Variants in PAIP2 observed in about 807,000 individuals in gnomAD.
The protein encoded by PAIP2 is polyadenylate-binding protein-interacting protein 2.
Under a neutral mutation model 14.8 loss-of-function variants are expected in PAIP2, and 7 were observed. The observed-to-expected ratio is 0.47, with a 90% CI of 0.27 to 0.89. The LOEUF (loss-of-function observed/expected upper bound fraction) is 0.89. Among genes scored for constraint, PAIP2 ranks in the 40% least tolerant of loss-of-function variants. The pLI, the probability that PAIP2 is intolerant of heterozygous loss-of-function variation, is 0.13. For missense variants in PAIP2, 122 were observed against 154.7 expected (o/e 0.79, Z 1.12); for synonymous variants, 47 against 45.3 (o/e 1.04, Z -0.15).
intron 1 of PAIP2, among the ~76,000 whole-genome samples, chr5:139,345,755 G>A (rs1756525813): frequency 1.3e-5 from 2 of 151,608 alleles, no homozygotes; most frequent in African/African-American, 2.4e-5. Flanking sequence ...AGCCTCCTGA[G>A]TAGCTGGGAC....
chr5:139,355,509 C>T (rs564530686), intron 1 of PAIP2, among the ~76,000 whole-genome samples: 2 of 152,248 alleles, frequency 1.3e-5, no homozygotes, highest in African/African-American at 4.8e-5. Context: ...GGTGAGACAT[C>T]ATTCTATGGT....
chr5:139,359,348 A>T (rs544442413), intron 1 of PAIP2, among the ~76,000 whole-genome samples: 61 of 152,136 alleles, frequency 4.0e-4, no homozygotes, highest in African/African-American at 1.4e-3. Flanking sequence ...CATGTTGGCC[A>T]GGCTGGTCTC....
intron 1 of PAIP2, among the ~76,000 whole-genome samples, chr5:139,348,443 C>T (rs1319950218): frequency 6.6e-6 from 1 of 151,826 alleles, no homozygotes; most frequent in African/African-American, 2.4e-5. Flanking sequence ...CAAGCTCTGC[C>T]TCCCGGGTTC....
intron 3 of PAIP2, chr5:139,367,563 G>C (rs188304462): frequency 6.6e-6 from 1 of 152,180 alleles, no homozygotes; most frequent in African/African-American, 2.4e-5. Flanking sequence ...TAGGGGCAGG[G>C]CTGGGATTTC....
At chr5:139,359,434 C>T (rs1385082158) in intron 1 of PAIP2, among the ~76,000 whole-genome samples, 1 of 151,642 alleles carries the variant, frequency 6.6e-6, no homozygotes, top group Non-Finnish European at 1.5e-5. Context: ...CCACAGTGCC[C>T]GGTGTGAAAA....
rs1756388796 is a variant in PAIP2, at chr5:139,341,905, G to C, written c.-102G>C. The C allele has an allele frequency of 6.5e-6, 1 of 152,962 alleles. No individual in the cohort carries two copies. Among genetic ancestry groups the C allele is most frequent in the African/African-American group, 2.4e-5 (1 of 41,474 alleles). The allele number at this position is 152,962 out of a possible 1,614,324, so 9.5% of individuals were successfully genotyped here. On this transcript the variant is annotated 5_prime_UTR_variant, in exon 1 of 4. Coordinates refer to ENST00000265192, the MANE Select transcript of PAIP2 (RefSeq NM_016480.5). Reference sequence around the variant, plus strand: ...GGCGGGCGAAGCGCACGTCGAGCGGGGGAGCGGCGCTGCCTGTGGAGATCC... The same window carrying C: ...GGCGGGCGAAGCGCACGTCGAGCGGCGGAGCGGCGCTGCCTGTGGAGATCC...
At chr5:139,356,011 G>T (rs1027881961) in intron 1 of PAIP2, among the ~76,000 whole-genome samples, 3 of 152,068 alleles carry the variant, frequency 2.0e-5, no homozygotes, top group African/African-American at 7.2e-5. Context: ...GGTGTTGGGT[G>T]CCTGTGATCC....
chr5:139,364,224 G>C (rs952080029), intron 2 of PAIP2, among the ~76,000 whole-genome samples: 1 of 152,166 alleles, frequency 6.6e-6, no homozygotes, highest in African/African-American at 2.4e-5. Flanking sequence ...GGAAACCACT[G>C]CCTTATGCCA....
intron 1 of PAIP2, among the ~76,000 whole-genome samples, chr5:139,355,213 A>G (rs1356223750): frequency 4.2e-4 from 51 of 121,664 alleles, no homozygotes; most frequent in Non-Finnish European, 8.4e-4. Flanking sequence ...CTTGTTGCCC[A>G]GGCTGGAGTG....
intron 2 of PAIP2, among the ~76,000 whole-genome samples, chr5:139,364,245 T>A (rs1429676487): frequency 6.6e-6 from 1 of 152,138 alleles, no homozygotes; most frequent in African/African-American, 2.4e-5. Context: ...GTAAGATTGC[T>A]GGTTACCGTG....
At chr5:139,361,051 A>C (rs1757054715) in intron 1 of PAIP2, among the ~76,000 whole-genome samples, 1 of 152,078 alleles carries the variant, frequency 6.6e-6, no homozygotes, top group Non-Finnish European at 1.5e-5. Context: ...AAAATGCTGG[A>C]ATTACTGGAG....
intron 1 of PAIP2, among the ~76,000 whole-genome samples, chr5:139,350,364 G>A (rs912286627): frequency 2.6e-5 from 4 of 152,036 alleles, no homozygotes; most frequent in African/African-American, 4.8e-5. Flanking sequence ...CAGGGGCGGT[G>A]GCTCATGCCT....
At chr5:139,356,933 C>T (rs1452321987) in intron 1 of PAIP2, among the ~76,000 whole-genome samples, 2 of 150,948 alleles carry the variant, frequency 1.3e-5, no homozygotes, top group Non-Finnish European at 2.9e-5. Context: ...TATAATGTGG[C>T]AATTCTGGAA....
At chr5:139,356,503 G>A (rs1756917266) in intron 1 of PAIP2, among the ~76,000 whole-genome samples, 1 of 151,948 alleles carries the variant, frequency 6.6e-6, no homozygotes, top group East Asian at 1.9e-4. Flanking sequence ...GCTCCCTTGG[G>A]GACAGTTTCT....
intron 1 of PAIP2, among the ~76,000 whole-genome samples, chr5:139,351,332 G>A (rs1756728525): frequency 6.6e-6 from 1 of 151,874 alleles, no homozygotes; most frequent in East Asian, 1.9e-4. Context: ...AAAAAAGAGT[G>A]ATCATAGCAA....
Position 139,368,866 on chromosome 5 carries a change from T to C in PAIP2, c.*68T>C, listed in dbSNP as rs1757471744. 1.7e-6 allele frequency: 2 copies of C among 1,165,682 alleles called. No homozygotes were observed. The highest frequency in any genetic ancestry group is 2.6e-6 in the Non-Finnish European group (2 of 783,396). The allele number at this position is 1,165,682 out of a possible 1,614,324, so 72.2% of individuals were successfully genotyped here. ...ACTGTGAAGGCAGTATTAGAAGACT[T>C]AATTGTAAAAGCTCTCTTGTCACTG... is the stretch of plus-strand genomic sequence containing the variant. On this transcript the variant is annotated 3_prime_UTR_variant, in exon 4 of 4. Coordinates refer to ENST00000265192, the MANE Select transcript of PAIP2 (RefSeq NM_016480.5).
chr5:139,365,443 T>TC (rs1210402534), intron 3 of PAIP2, among the ~76,000 whole-genome samples: 9 of 150,758 alleles, frequency 6.0e-5, no homozygotes, highest in African/African-American at 2.2e-4. Context: ...TGAGTGGAGA[T>TC]CGCACCATTG....
At chr5:139,347,600 G>A (rs1756591804) in intron 1 of PAIP2, among the ~76,000 whole-genome samples, 1 of 152,062 alleles carries the variant, frequency 6.6e-6, no homozygotes, top group African/African-American at 2.4e-5. Flanking sequence ...CAAACATGAA[G>A]GCAAAAGATG....
At chr5:139,354,211 A>G (rs1241403990) in intron 1 of PAIP2, among the ~76,000 whole-genome samples, 9 of 152,174 alleles carry the variant, frequency 5.9e-5, no homozygotes, top group Non-Finnish European at 5.9e-5. Context: ...GGACAGGTCT[A>G]CTAGTGACAA....
Sources: allele counts gnomAD v4.1 joint callset (sites outside exome capture counted in the v4.1 genomes callset), GRCh38; gene constraint gnomAD v4.1.1; transcripts MANE v1.5; gene names NCBI Gene and HGNC (gene_info 2026-07-23, HGNC 2026-07-21).